Variants in UNC5A observed in about 807,000 individuals in gnomAD.
UNC5A encodes the protein unc-5 netrin receptor A, also known as netrin receptor UNC5A.
Under a neutral mutation model 87.4 loss-of-function variants are expected in UNC5A, and 20 were observed. The observed-to-expected ratio is 0.23, with a 90% CI of 0.16 to 0.33. The LOEUF (loss-of-function observed/expected upper bound fraction) is 0.33, where lower values mean the gene tolerates loss of function less well. Among genes scored for constraint, UNC5A ranks in the 10% least tolerant of loss-of-function variants. The probability of loss-of-function intolerance (pLI) is 1.00; values close to 1 mark genes in which losing one functional copy is unlikely to be tolerated. For synonymous variants in UNC5A, 438 were observed against 482.3 expected, an observed-to-expected ratio of 0.91 and a Z score of 1.20; for missense variants, 844 against 1,133.4, an observed-to-expected ratio of 0.74 and a Z score of 3.67.
rs1261849746 is a variant in UNC5A, at chr5:176,878,079, G to A, written c.1821G>A (p.Glu607=). Residue 607 remains glutamate, a synonymous_variant, in exon 11 of 15, where the codon GAG becomes GAA. Coordinates refer to ENST00000329542, the MANE Select transcript of UNC5A (RefSeq NM_133369.3). ...CGCCGGTGGCCTGCACCTCCCTCGA[G>A]TACAACATCCGGGTCTACTGCCTGC... The part of the protein sequence containing the change: ...LFAPVACTSL[E]YNIRVYCLHD... 1.2e-6 allele frequency: 2 copies of A among 1,609,916 alleles called. No individual in the cohort carries two copies. Among genetic ancestry groups the A allele is most frequent in the Middle Eastern group, 1.6e-4 (1 of 6,062 alleles).
intron 1 of UNC5A, among the ~76,000 whole-genome samples, chr5:176,819,368 G>GA (rs1202408652): frequency 3.3e-5 from 5 of 151,408 alleles, no homozygotes; most frequent in Non-Finnish European, 7.4e-5. Flanking sequence ...CTGGCTTAAG[G>GA]AAAAAAAAGG....
chr5:176,818,386 TCTC>T (rs1313885024), intron 1 of UNC5A, among the ~76,000 whole-genome samples: 1 of 152,134 alleles, frequency 6.6e-6, no homozygotes, highest in Non-Finnish European at 1.5e-5. Context: ...CCAAATTCAT[TCTC>T]CTTCTGCTAA....
intron 1 of UNC5A, among the ~76,000 whole-genome samples, chr5:176,849,551 C>T: frequency 6.6e-6 from 1 of 152,242 alleles, no homozygotes; most frequent in Non-Finnish European, 1.5e-5. Context: ...CGCCATTGCT[C>T]TCCAGCCTGG....
At chr5:176,859,540 G>T (rs1366919593) in intron 1 of UNC5A, among the ~76,000 whole-genome samples, 1 of 88,828 alleles carries the variant, frequency 1.1e-5, no homozygotes, top group African/African-American at 2.9e-5. Context: ...TTGCTAGAGG[G>T]CATAGCTGCT....
At position 176,877,224 on chromosome 5, in the gene UNC5A, C is replaced by T. The variant is rs76680158; in HGVS notation, c.1411C>T (p.Pro471Ser). 1.2e-3 allele frequency: 1,972 copies of T among 1,612,848 alleles called. 5 individuals are homozygous for T. Among genetic ancestry groups the T allele is most frequent in the Non-Finnish European group, 1.5e-3 (1,775 of 1,179,714 alleles). ...ISLLIPPDAI[P>S]RGKIYEIYLT... The stretch of plus-strand genomic sequence containing the variant: ...CCTCCTCATCCCCCCAGATGCCATA[C>T]CCCGAGGGAAGATCTATGAGATCTA... Residue 471 changes from proline to serine, a missense_variant, in exon 9 of 15, where the codon CCC (proline) becomes TCC (serine). Physicochemically the swap from Pro to Ser is moderately conservative, Grantham distance 74. Coordinates refer to ENST00000329542, the MANE Select transcript of UNC5A (RefSeq NM_133369.3).
intron 1 of UNC5A, among the ~76,000 whole-genome samples, chr5:176,836,360 C>T (rs1235907428): frequency 1.3e-5 from 2 of 152,176 alleles, no homozygotes; most frequent in Non-Finnish European, 1.5e-5. Flanking sequence ...CGAGATGGGG[C>T]AGAACTGGAT....
chr5:176,857,339 T>A (rs906842552), intron 1 of UNC5A, among the ~76,000 whole-genome samples: 28 of 152,320 alleles, frequency 1.8e-4, no homozygotes, highest in African/African-American at 6.7e-4. Flanking sequence ...ATACGTTTCA[T>A]GTCTTGGAAG....
At chr5:176,820,870 G>A (rs1332180054) in intron 1 of UNC5A, among the ~76,000 whole-genome samples, 1 of 152,188 alleles carries the variant, frequency 6.6e-6, no homozygotes, top group Non-Finnish European at 1.5e-5. Flanking sequence ...TATTTCTCTT[G>A]ACCTGGTTCT....
chr5:176,811,330 C>T (rs1756448594), intron 1 of UNC5A, among the ~76,000 whole-genome samples: 1 of 152,236 alleles, frequency 6.6e-6, no homozygotes, highest in African/African-American at 2.4e-5. Context: ...CCTCCTCTGT[C>T]CCCGCCACAC....
At chr5:176,827,817 G>A (rs573857531) in intron 1 of UNC5A, among the ~76,000 whole-genome samples, 2 of 152,348 alleles carry the variant, frequency 1.3e-5, no homozygotes, top group East Asian at 1.9e-4. Flanking sequence ...TATTTGAAGT[G>A]TTAAATTCTT....
intron 1 of UNC5A, among the ~76,000 whole-genome samples, chr5:176,815,235 C>A (rs1457470381): frequency 6.6e-6 from 1 of 152,208 alleles, no homozygotes; most frequent in Non-Finnish European, 1.5e-5. Flanking sequence ...TGGGGTGGGA[C>A]TCCTGGTTCC....
rs188438118 is a variant in UNC5A, at chr5:176,832,021, C to T, written c.70+21201C>T. ...AAGTGATTCTCATGCCTCATCCTCCCGAGTAGCTGGGACTACAGGTGCCTG... is the reference window on the plus strand; with the variant it reads ...AAGTGATTCTCATGCCTCATCCTCCTGAGTAGCTGGGACTACAGGTGCCTG... On this transcript the variant is annotated intron_variant, in intron 1 of 14. Coordinates refer to ENST00000329542, the MANE Select transcript of UNC5A (RefSeq NM_133369.3). Among the ~76,000 whole-genome samples the T allele has an allele frequency of 4.6e-5, 7 of 151,752 alleles. No individual in the cohort carries two copies. In the East Asian group the frequency reaches 5.8e-4, roughly 13 times the overall value.
rs373249739 is a variant in UNC5A at position 176,878,659 on chromosome 5, G to A, written c.2184+20G>A. The A allele has an allele frequency of 3.6e-5, 58 of 1,603,430 alleles. No homozygotes were observed. Among genetic ancestry groups the A allele is most frequent in the African/African-American group, 8.0e-5 (6 of 74,794 alleles). On this transcript the variant is annotated intron_variant, in intron 13 of 14. Coordinates refer to ENST00000329542, the MANE Select transcript of UNC5A (RefSeq NM_133369.3). ...ACCAAGGTGGACGGGAGGGGCTGCC[G>A]CACCGCCGTGACGTGCTCCCACTAC... is the stretch of plus-strand genomic sequence containing the variant.
chr5:176,843,649 CTTA>C (rs989709311), intron 1 of UNC5A, among the ~76,000 whole-genome samples: 9 of 152,360 alleles, frequency 5.9e-5, no homozygotes, highest in South Asian at 2.1e-4. Flanking sequence ...GCTCGCTGCT[CTTA>C]TTATTATTAG....
At chr5:176,878,866 C>T (rs914247209) in intron 13 of UNC5A, among the ~76,000 whole-genome samples, 5 of 152,234 alleles carry the variant, frequency 3.3e-5, no homozygotes, top group African/African-American at 1.2e-4. Context: ...GACATGGGAG[C>T]AGCAGGAGGG....
intron 1 of UNC5A, among the ~76,000 whole-genome samples, chr5:176,861,990 G>A (rs2149363612): frequency 6.6e-6 from 1 of 152,366 alleles, no homozygotes; most frequent in Non-Finnish European, 1.5e-5. Flanking sequence ...AGCAACAAAT[G>A]ACTTGTGGGA....
rs1362943943 is a variant in UNC5A at position 176,875,791 on chromosome 5, CGGTG to C, written c.1378+1226_1378+1229del. On this transcript the variant is annotated intron_variant, in intron 8 of 14. Coordinates refer to ENST00000329542, the MANE Select transcript of UNC5A (RefSeq NM_133369.3). This position sits in a 1 kb window ranked among gnomAD's most constrained non-coding sequence, Gnocchi z 5.2. ...CCATGGACTCAACATCCCCGACACA[CGGTG>C]CTGCCCTCTGCATGCACCGACCCCC... is the stretch of plus-strand genomic sequence containing the variant. Among the ~76,000 whole-genome samples, 10 of 152,184 alleles carry C rather than the reference CGGTG, an allele frequency of 6.6e-5. No individual in the cohort carries two copies. Among genetic ancestry groups the C allele is most frequent in the African/African-American group, 2.4e-4 (10 of 41,446 alleles).
intron 1 of UNC5A, among the ~76,000 whole-genome samples, chr5:176,852,354 T>C (rs1757565107): frequency 6.7e-6 from 1 of 149,522 alleles, no homozygotes; most frequent in South Asian, 2.1e-4. Context: ...CAGAAACACA[T>C]ACACACCCCA....
chr5:176,831,259 A>G (rs1413410902), intron 1 of UNC5A, among the ~76,000 whole-genome samples: 1 of 151,982 alleles, frequency 6.6e-6, no homozygotes, highest in Non-Finnish European at 1.5e-5. Flanking sequence ...TTTCATGTTA[A>G]TGGACTGCCA....
Sources: gnomAD v4.1 joint callset for allele counts (sites outside exome capture counted in the v4.1 genomes callset) on GRCh38, gnomAD v4.1.1 for gene constraint, Gnocchi (gnomAD v3.1) non-coding constraint, MANE v1.5 for transcripts, NCBI Gene and HGNC (gene_info 2026-07-23, HGNC 2026-07-21) for gene names.